USP14: variants seen among roughly 807,000 people sequenced by gnomAD.
USP14 encodes ubiquitin carboxyl-terminal hydrolase 14.
In USP14, 38 loss-of-function variants were observed where a neutral mutation model predicts 76.5. That is an observed-to-expected ratio of 0.50 (90% confidence interval 0.38 to 0.65). The LOEUF is 0.65. USP14 is among the 30% of genes least tolerant of loss of function. The pLI is 0.00. For missense variants in USP14, 467 were observed against 586.5 expected (o/e 0.80, Z 2.10); for synonymous variants, 192 against 191.7 (o/e 1.00, Z -0.01).
chr18:168,555 C>T (rs1273155562), intron 3 of USP14, among the ~76,000 whole-genome samples: 2 of 151,864 alleles, frequency 1.3e-5, no homozygotes, highest in Non-Finnish European at 2.9e-5. Context: ...CTGCCTCAAC[C>T]TCCTGAGTAG....
At chr18:172,078 A>C (rs1909479021) in intron 3 of USP14, among the ~76,000 whole-genome samples, 1 of 152,086 alleles carries the variant, frequency 6.6e-6, no homozygotes. Flanking sequence ...CTGTCTCTAC[A>C]AAAAATAAAA....
intron 6 of USP14, among the ~76,000 whole-genome samples, chr18:195,567 A>G (rs894688375): frequency 1.3e-4 from 20 of 152,238 alleles, no homozygotes; most frequent in African/African-American, 4.1e-4. Context: ...AGACTAGTCC[A>G]TGACTGTGAG....
chr18:173,335 T>C (rs1014243317), intron 3 of USP14, among the ~76,000 whole-genome samples: 1 of 151,804 alleles, frequency 6.6e-6, no homozygotes, highest in African/African-American at 2.4e-5. Flanking sequence ...ATGGTCTCTA[T>C]CTCCTGACCT....
At chr18:187,500 C>A (rs1310593542) in intron 5 of USP14, among the ~76,000 whole-genome samples, 1 of 152,110 alleles carries the variant, frequency 6.6e-6, no homozygotes, top group Non-Finnish European at 1.5e-5. Context: ...ACCATAATGG[C>A]TTTAAGTTTG....
intron 3 of USP14, among the ~76,000 whole-genome samples, chr18:174,403 T>C (rs531990396): frequency 1.3e-5 from 2 of 150,680 alleles, no homozygotes; most frequent in Non-Finnish European, 3.0e-5. Flanking sequence ...GTAACTGGGA[T>C]TATAGGCACT....
rs1476045808 is a variant in USP14, at chr18:210,011, A to T, written c.1205A>T (p.Glu402Val). Reference protein sequence around the residue: ...KSSPQKEVKYEPFSFADDIGS... With the variant: ...KSSPQKEVKYVPFSFADDIGS... ...AGTCCCCAGAAAGAAGTTAAGTATG[A>T]ACCCTTTTCTTTTGCTGATGGTAAG... The change falls in exon 14 of 16, where the codon GAA (glutamate) becomes GTA (valine). Residue 402 changes from glutamate (E) to valine (V), a missense_variant. By Grantham distance (121) the Glu-to-Val change is moderately radical. Coordinates refer to ENST00000261601, the MANE Select transcript of USP14 (RefSeq NM_005151.4). The T allele has an allele frequency of 6.2e-7, 1 of 1,606,806 alleles. No individual in the cohort carries two copies. The highest frequency in any genetic ancestry group is 8.5e-7 in the Non-Finnish European group (1 of 1,177,500).
chr18:204,926 G>A (rs1437617432), intron 13 of USP14, among the ~76,000 whole-genome samples: 2 of 150,566 alleles, frequency 1.3e-5, no homozygotes, highest in Admixed American at 1.3e-4. Flanking sequence ...TTGTGACAAG[G>A]TCTTCCTTTG....
chr18:175,422 TC>T (rs1909600863), intron 3 of USP14, among the ~76,000 whole-genome samples: 2 of 152,320 alleles, frequency 1.3e-5, no homozygotes, highest in Middle Eastern at 3.4e-3. Context: ...AGGAACTCTT[TC>T]TAGTTTGCTG....
At chr18:193,599 C>A (rs1910151177) in intron 6 of USP14, among the ~76,000 whole-genome samples, 1 of 152,168 alleles carries the variant, frequency 6.6e-6, no homozygotes. Flanking sequence ...CACCTCCTTT[C>A]CCATTTCTAG....
At chr18:198,440 T>C (rs1157307600) in intron 9 of USP14, among the ~76,000 whole-genome samples, 2 of 152,194 alleles carry the variant, frequency 1.3e-5, no homozygotes, top group African/African-American at 4.8e-5. Context: ...TTCACCCTCT[T>C]GGTCAGGCTG....
At position 196,506 on chromosome 18, in the gene USP14, G is replaced by A. The variant is rs538405345; in HGVS notation, c.464-131G>A. 113 of 994,130 alleles carry A rather than the reference G, an allele frequency of 1.1e-4. No homozygotes were observed. The African/African-American group carries it at 1.7e-3, about 15-fold the overall frequency. 61.6% of individuals were successfully genotyped at this position (994,130 alleles called of 1,614,324 possible). On this transcript the variant is annotated intron_variant, in intron 6 of 15. Coordinates refer to ENST00000261601, the MANE Select transcript of USP14 (RefSeq NM_005151.4). ...GCCACTGCACTCCAGCCTGGGCAAC[G>A]GACCAAGACTCCATCTCAAAAAAAA...
At chr18:173,728 T>C (rs886487074) in intron 3 of USP14, among the ~76,000 whole-genome samples, 1 of 152,210 alleles carries the variant, frequency 6.6e-6, no homozygotes, top group African/African-American at 2.4e-5. Flanking sequence ...CGGTCTATTA[T>C]CTGTTTTGAG....
intron 5 of USP14, among the ~76,000 whole-genome samples, chr18:183,206 T>A (rs1909832853): frequency 2.6e-5 from 4 of 152,210 alleles, no homozygotes; most frequent in Middle Eastern, 3.2e-3. Flanking sequence ...CCATTTTTCC[T>A]CAGTGATTGG....
At position 199,330 on chromosome 18, in the gene USP14, C is replaced by A; in HGVS notation, c.876+14C>A. The A allele has an allele frequency of 6.4e-7, 1 of 1,552,882 alleles. No individual in the cohort carries two copies. The highest frequency in any genetic ancestry group is 1.1e-5 in the South Asian group (1 of 89,174). ...GGACTTAAATTGGTAAGGACAATCT[C>A]AGTCCATCCTTGTTGTTTGTGAATT... On this transcript the variant is annotated intron_variant, in intron 10 of 15. Transcript: ENST00000261601.
intron 3 of USP14, among the ~76,000 whole-genome samples, chr18:172,246 G>GA (rs1377683308): frequency 1.3e-5 from 2 of 151,984 alleles, no homozygotes; most frequent in Non-Finnish European, 2.9e-5. Flanking sequence ...TCTAAAAAAC[G>GA]AAAAAGAATA....
intron 1 of USP14, among the ~76,000 whole-genome samples, chr18:161,371 T>C (rs114034581): frequency 0.015 from 2,312 of 152,326 alleles, 65 homozygotes; most frequent in African/African-American, 0.053. Flanking sequence ...TGCTGTGGAA[T>C]GTTTTCCTTC....
At chr18:186,099 A>G (rs1204862356) in intron 5 of USP14, among the ~76,000 whole-genome samples, 1 of 152,168 alleles carries the variant, frequency 6.6e-6, no homozygotes, top group Non-Finnish European at 1.5e-5. Flanking sequence ...ACTTTTTCTC[A>G]GCCATCTTCT....
At chr18:167,845 A>G (rs1909317534) in intron 3 of USP14, among the ~76,000 whole-genome samples, 2 of 151,468 alleles carry the variant, frequency 1.3e-5, no homozygotes, top group Middle Eastern at 3.4e-3. Context: ...AATTATTGGA[A>G]CTTAACATTT....
intron 13 of USP14, among the ~76,000 whole-genome samples, chr18:209,404 T>C (rs537205141): frequency 1.3e-5 from 2 of 152,330 alleles, no homozygotes; most frequent in East Asian, 1.9e-4. Context: ...ATTTTTCTCA[T>C]GTTGCATGCT....
Sources: gnomAD v4.1 joint callset for allele counts (sites outside exome capture counted in the v4.1 genomes callset) on GRCh38, gnomAD v4.1.1 for gene constraint, MANE v1.5 for transcripts, NCBI Gene and HGNC (gene_info 2026-07-23, HGNC 2026-07-21) for gene names.